SCN11A: variants seen among roughly 807,000 people sequenced by gnomAD.
SCN11A encodes sodium voltage-gated channel alpha subunit 11, also known as sodium channel protein type 11 subunit alpha.
A neutral mutation model predicts 162.2 loss-of-function variants in SCN11A; 122 were observed. The ratio of observed to expected loss-of-function variants is 0.75; its 90% CI spans 0.65 to 0.87. The LOEUF is 0.87. Among genes scored for constraint, SCN11A ranks in the 40% least tolerant of loss-of-function variants. The pLI is 0.00. For missense variants in SCN11A, 2,015 were observed against 2,181.6 expected, an observed-to-expected ratio of 0.92 and a Z score of 1.52; for synonymous variants, 758 against 751.5, an observed-to-expected ratio of 1.01 and a Z score of -0.14.
intron 2 of SCN11A, among the ~76,000 whole-genome samples, chr3:39,001,120 T>C (rs548219308): frequency 6.7e-6 from 1 of 150,316 alleles, no homozygotes; most frequent in Admixed American, 6.6e-5. Context: ...CCTAAACTCA[T>C]TTTTTTAGTG....
intron 16 of SCN11A, among the ~76,000 whole-genome samples, chr3:38,902,604 G>A (rs908132513): frequency 2.6e-5 from 4 of 151,062 alleles, no homozygotes; most frequent in Admixed American, 6.6e-5. Flanking sequence ...TGCAAGATCC[G>A]CCTCCCTGGT....
chr3:39,048,271 A>G (rs1436368274), intron 1 of SCN11A, among the ~76,000 whole-genome samples: 2 of 152,260 alleles, frequency 1.3e-5, no homozygotes, highest in East Asian at 3.8e-4. Context: ...AGGCACAGAA[A>G]GATAAATACT....
chr3:39,000,990 T>A (rs2030794977), intron 2 of SCN11A, among the ~76,000 whole-genome samples: 1 of 152,186 alleles, frequency 6.6e-6, no homozygotes, highest in Non-Finnish European at 1.5e-5. Flanking sequence ...TGAGCCATGA[T>A]CATGCTACTG....
chr3:38,856,219 T>A (rs1434112262), intron 28 of SCN11A, among the ~76,000 whole-genome samples: 1 of 152,180 alleles, frequency 6.6e-6, no homozygotes, highest in Non-Finnish European at 1.5e-5. Flanking sequence ...GTCCTTGTTT[T>A]CCTCTGGCAC....
Position 38,932,584 on chromosome 3 carries a change from C to T in SCN11A, c.489-5653G>A, listed in dbSNP as rs537945141. 2.9e-4 allele frequency among the ~76,000 whole-genome samples: 44 copies of T among 152,316 alleles called. 1 individual carries two copies. In the East Asian group the frequency reaches 7.3e-3, roughly 25 times the overall value. On this transcript the variant is annotated intron_variant, in intron 7 of 29. Transcript: ENST00000302328. ...AGGAGATTATATCCCGCACCTGGCT[C>T]GGAGGGTCCTACACCCACGGAGTCT...
chr3:39,005,392 T>C (rs72858014), intron 2 of SCN11A, among the ~76,000 whole-genome samples: 5,387 of 152,282 alleles, frequency 0.035, 309 homozygotes, highest in African/African-American at 0.12. Flanking sequence ...TCCCCAGACA[T>C]TGGCAAGTGA....
chr3:38,846,977 T>C lies in SCN11A; in HGVS notation c.5093A>G (p.Asp1698Gly). The change falls in exon 30 of 30, where the codon GAT becomes GGT. Residue 1698 changes from aspartate to glycine, a missense_variant. Asp to Gly is a moderately conservative substitution (Grantham distance 94, BLOSUM62 -1). Transcript: ENST00000302328. ...CATTGCTTTCATACTATCTAGGCCATCAGAGCCACCGAGTACCCTAGCGGT... is the reference window on the plus strand; with the variant it reads ...CATTGCTTTCATACTATCTAGGCCACCAGAGCCACCGAGTACCCTAGCGGT... ...AFTARVLGGS[D>G]GLDSMKAMME... 6.2e-7 allele frequency: 1 copy of C among 1,614,112 alleles called. No individual in the cohort carries two copies. The highest frequency in any genetic ancestry group is 8.5e-7 in the Non-Finnish European group (1 of 1,180,010).
At chr3:38,971,266 C>G (rs2066815361) in intron 2 of SCN11A, among the ~76,000 whole-genome samples, 2 of 152,006 alleles carry the variant, frequency 1.3e-5, no homozygotes, top group South Asian at 2.1e-4. Flanking sequence ...ATACACAGAG[C>G]TCAGCAGAAG....
At chr3:38,984,414 G>A (rs1044385298) in intron 2 of SCN11A, among the ~76,000 whole-genome samples, 14 of 152,188 alleles carry the variant, frequency 9.2e-5, no homozygotes, top group South Asian at 2.1e-4. Context: ...AATCCAATAT[G>A]GCACCTTAGT....
chr3:38,928,943 T>A (rs1321841254), intron 7 of SCN11A, among the ~76,000 whole-genome samples: 1 of 152,224 alleles, frequency 6.6e-6, no homozygotes, highest in Middle Eastern at 3.4e-3. Flanking sequence ...GGTATATGTA[T>A]AAAAGAATTG....
At chr3:38,865,135 G>A (rs186710601) in intron 27 of SCN11A, among the ~76,000 whole-genome samples, 87 of 152,278 alleles carry the variant, frequency 5.7e-4, no homozygotes, top group African/African-American at 1.9e-3. Context: ...ATATGGCTTA[G>A]AACAAGCACA....
chr3:39,007,436 G>A (rs1038418218), intron 2 of SCN11A, among the ~76,000 whole-genome samples: 1 of 152,090 alleles, frequency 6.6e-6, no homozygotes, highest in Non-Finnish European at 1.5e-5. Flanking sequence ...CTTCTTTCAT[G>A]TTAATAAAAT....
intron 2 of SCN11A, among the ~76,000 whole-genome samples, chr3:39,021,653 A>G (rs1210935503): frequency 2.6e-5 from 4 of 152,158 alleles, no homozygotes; most frequent in African/African-American, 9.7e-5. Context: ...GTCCCACCTA[A>G]GTCATGTGGG....
At chr3:38,966,196 TTTG>T (rs572690894) in intron 2 of SCN11A, among the ~76,000 whole-genome samples, 120 of 152,250 alleles carry the variant, frequency 7.9e-4, no homozygotes, top group Non-Finnish European at 1.4e-3. Context: ...TCTGAGGGTT[TTTG>T]TTGTTGTTGT....
At position 38,965,984 on chromosome 3, in the gene SCN11A, A is replaced by AAAAAATT. The variant is rs1307547065; in HGVS notation, c.-279-5568_-279-5562dup. On this transcript the variant is annotated intron_variant, in intron 2 of 29. Coordinates refer to ENST00000302328, the MANE Select transcript of SCN11A (RefSeq NM_001349253.2). ...GACAGAACAAGACCCTGTCCCTTAA[A>AAAAAATT]AAAAATTAAAAAAAAAAGAAGCTGA... Among the ~76,000 whole-genome samples the AAAAAATT allele has an allele frequency of 7.9e-5, 12 of 151,798 alleles. No individual in the cohort carries two copies. In the South Asian group the frequency reaches 2.1e-3, roughly 26 times the overall value.
chr3:39,044,616 G>A (rs2032142584), intron 1 of SCN11A, among the ~76,000 whole-genome samples: 1 of 152,112 alleles, frequency 6.6e-6, no homozygotes. Flanking sequence ...AAAATTAATT[G>A]AAACAAATGA....
intron 1 of SCN11A, among the ~76,000 whole-genome samples, 104 bp downstream of exon 1, chr3:39,051,757 A>G (rs1240447015): frequency 6.6e-6 from 1 of 152,182 alleles, no homozygotes; most frequent in Admixed American, 6.5e-5. Context: ...GCCAGGGTCT[A>G]GGACCACACA....
chr3:38,945,026 A>T (rs1042044942), intron 7 of SCN11A, among the ~76,000 whole-genome samples: 23 of 152,344 alleles, frequency 1.5e-4, no homozygotes, highest in Non-Finnish European at 2.5e-4. Flanking sequence ...TCCCATAACA[A>T]TTTTTTACAA....
intron 2 of SCN11A, among the ~76,000 whole-genome samples, chr3:39,022,028 A>G (rs897864924): frequency 6.6e-6 from 1 of 152,114 alleles, no homozygotes; most frequent in Non-Finnish European, 1.5e-5. Context: ...CACAGATATC[A>G]ATCAACCAAG....
Sources: gnomAD v4.1 joint callset for allele counts (sites outside exome capture counted in the v4.1 genomes callset) on GRCh38, gnomAD v4.1.1 for gene constraint, MANE v1.5 for transcripts, NCBI Gene and HGNC (gene_info 2026-07-23, HGNC 2026-07-21) for gene names.